The following UROS variants were observed in gnomAD, a reference collection of about 807,000 sequenced individuals.
UROS encodes the protein uroporphyrinogen III synthase.
A neutral mutation model predicts 33.0 loss-of-function variants in UROS; 18 were observed. The ratio of observed to expected loss-of-function variants is 0.55; its 90% CI spans 0.38 to 0.81. UROS has a LOEUF of 0.81. Among genes scored for constraint, UROS ranks in the 30% least tolerant of loss-of-function variants. UROS has a pLI of 0.00. For missense variants in UROS, 293 were observed against 314.9 expected (o/e 0.93, Z 0.53); for synonymous variants, 114 against 121.1 (o/e 0.94, Z 0.38).
chr10:125,815,674 A>G (rs1329811020), intron 3 of UROS, among the ~76,000 whole-genome samples: 1 of 152,146 alleles, frequency 6.6e-6, no homozygotes, highest in African/African-American at 2.4e-5. Context: ...GCTTTACTGG[A>G]CTTGTCTCCT....
chr10:125,795,889 C>T (rs1453484117), intron 8 of UROS, among the ~76,000 whole-genome samples: 1 of 152,206 alleles, frequency 6.6e-6, no homozygotes, highest in East Asian at 1.9e-4. Flanking sequence ...TTCAAACCAG[C>T]TTGCAATAGA....
intron 5 of UROS, among the ~76,000 whole-genome samples, chr10:125,807,826 G>A (rs1852465150): frequency 6.6e-6 from 1 of 152,216 alleles, no homozygotes; most frequent in African/African-American, 2.4e-5. Flanking sequence ...TTGCCATCTA[G>A]AAGGTGCTCA....
In UROS at chr10:125,788,975, C is replaced by T. The variant is rs780837512; in HGVS notation, c.691G>A (p.Ala231Thr). 8 of 1,611,980 alleles carry T rather than the reference C, an allele frequency of 5.0e-6. No individual in the cohort carries two copies. The Admixed American group carries it at 5.0e-5, about 10-fold the overall frequency. ...FAAIGPTTAR[A>T]LAAQGLPVSC... is the part of the protein sequence containing the mutation. ...ACAGGAAGGCCCTGGGCGGCCAGCG[C>T]GCGAGCCGTAGTGGGGCCGATGGCT... Residue 231 changes from alanine (A) to threonine (T), a missense_variant, in exon 10 of 10, where the codon GCG (alanine) becomes ACG (threonine). By Grantham distance (58) the Ala-to-Thr change is moderately conservative. Transcript: ENST00000368797.
chr10:125,790,150 T>C (rs2133803104), intron 9 of UROS, among the ~76,000 whole-genome samples: 1 of 152,284 alleles, frequency 6.6e-6, no homozygotes, highest in East Asian at 1.9e-4. Context: ...GGGAGGCCAC[T>C]GTCCTGCAGA....
chr10:125,794,930 T>TAC lies in UROS; in HGVS notation c.609_610insGT (p.Ser204ValfsTer37). On this transcript the variant is annotated frameshift_variant, in exon 9 of 10. Coordinates refer to ENST00000368797, the MANE Select transcript of UROS (RefSeq NM_000375.3). LOFTEE classifies it high-confidence loss of function. ...GATAACTCCTGAATGTGCTTGAGAC[T>TAC]GTATGTGAGGCCAGAGGGACTAAAA... is the stretch of plus-strand genomic sequence containing the variant. 1.2e-6 allele frequency: 2 copies of TAC among 1,614,136 alleles called. No homozygotes were observed. The highest frequency in any genetic ancestry group is 1.7e-6 in the Non-Finnish European group (2 of 1,180,018).
chr10:125,796,714 T>C, intron 7 of UROS: 1 of 872,278 alleles, frequency 1.1e-6, no homozygotes, highest in Non-Finnish European at 1.4e-6. Flanking sequence ...TTCCTCCCTG[T>C]GCCATTCAGC....
chr10:125,816,896 C>G (rs1450420190), intron 1 of UROS, among the ~76,000 whole-genome samples: 1 of 152,150 alleles, frequency 6.6e-6, no homozygotes, highest in Non-Finnish European at 1.5e-5. Context: ...TTTTCCATTT[C>G]AAGATAAATA....
intron 5 of UROS, among the ~76,000 whole-genome samples, chr10:125,811,034 A>G (rs1589987530): frequency 6.6e-6 from 1 of 152,274 alleles, no homozygotes; most frequent in East Asian, 1.9e-4. Context: ...GCTGCACTTG[A>G]TATGGTCCAC....
chr10:125,806,472 G>C (rs989665127), intron 6 of UROS, among the ~76,000 whole-genome samples: 5 of 152,096 alleles, frequency 3.3e-5, no homozygotes, highest in Non-Finnish European at 7.4e-5. Flanking sequence ...TTTTAGAAAG[G>C]GGTCAGAAAA....
intron 6 of UROS, among the ~76,000 whole-genome samples, 182 bp from the exon 7 acceptor site, chr10:125,798,327 G>T (rs1851535803): frequency 6.6e-6 from 1 of 152,140 alleles, no homozygotes; most frequent in Admixed American, 6.5e-5. Flanking sequence ...GAACTTGAAG[G>T]GTTGTTATAT....
At chr10:125,798,531 G>A (rs991151215) in intron 6 of UROS, among the ~76,000 whole-genome samples, 9 of 152,186 alleles carry the variant, frequency 5.9e-5, no homozygotes, top group Non-Finnish European at 1.0e-4. Flanking sequence ...CTGGCACTGG[G>A]GCAAACATTT....
intron 6 of UROS, among the ~76,000 whole-genome samples, chr10:125,803,777 C>T (rs1198064201): frequency 1.3e-5 from 2 of 152,220 alleles, no homozygotes; most frequent in Non-Finnish European, 2.9e-5. Flanking sequence ...CACCCACTGC[C>T]CCTGCCATGC....
Position 125,802,150 on chromosome 10 carries a change from A to T in UROS, c.395-4005T>A, listed in dbSNP as rs952275223. The T allele has an allele frequency of 3.0e-6, 3 of 985,380 alleles. No homozygotes were observed. The African/African-American group carries it at 5.2e-5, about 17-fold the overall frequency. 61.0% of individuals were successfully genotyped at this position (985,380 alleles called of 1,614,324 possible). ...ATGATGACTCTCTAGAAACAACATT[A>T]GAAACAAAAAGCCTGGAGCCAGACA... On this transcript the variant is annotated intron_variant, in intron 6 of 9. Transcript: ENST00000368797.
chr10:125,808,303 G>A (rs1281462244), intron 5 of UROS, among the ~76,000 whole-genome samples: 1 of 152,232 alleles, frequency 6.6e-6, no homozygotes, highest in East Asian at 1.9e-4. Context: ...GTCACACAGA[G>A]CCTGGTTAGT....
intron 9 of UROS, 138 bp downstream of exon 9, chr10:125,794,742 T>C (rs1851204863): frequency 1.3e-6 from 1 of 766,668 alleles, no homozygotes; most frequent in Non-Finnish European, 2.1e-6. Flanking sequence ...CAGCAGGAGG[T>C]AGAGCTGCCC....
chr10:125,807,005 T>C (rs185947213), intron 6 of UROS: 9 of 234,116 alleles, frequency 3.8e-5, no homozygotes, highest in Non-Finnish European at 1.7e-5. Context: ...AGTCAGTTCT[T>C]TACCTGGGAG....
At position 125,796,094 on chromosome 10, in the gene UROS, G is replaced by A. The variant is rs748687042; in HGVS notation, c.561+9C>T. On this transcript the variant is annotated intron_variant, in intron 8 of 9. Coordinates refer to ENST00000368797, the MANE Select transcript of UROS (RefSeq NM_000375.3). ...CACCCTGCCAGAACCGCCCCCAAAC[G>A]CCACGTACCTGCTGGGAATAGTAGC... The A allele has an allele frequency of 1.9e-5, 31 of 1,613,778 alleles. No individual in the cohort carries two copies. The highest frequency in any genetic ancestry group is 2.7e-5 in the African/African-American group (2 of 74,860).
At chr10:125,816,563 CA>C (rs1464540661) in intron 1 of UROS, 38 bp from the exon 2 acceptor site, 56 of 1,591,894 alleles carry the variant, frequency 3.5e-5, no homozygotes, top group South Asian at 2.9e-4. Flanking sequence ...AATTAGATCT[CA>C]AAGACTCTTC....
Position 125,788,630 on chromosome 10 carries a change from A to C in UROS, c.*238T>G, listed in dbSNP as rs936852172. The C allele has an allele frequency of 7.1e-7, 1 of 1,409,926 alleles. No individual in the cohort carries two copies. The highest frequency in any genetic ancestry group is 9.2e-7 in the Non-Finnish European group (1 of 1,085,430). The allele number at this position is 1,409,926 out of a possible 1,614,324, so 87.3% of individuals were successfully genotyped here. The stretch of plus-strand genomic sequence containing the variant: ...TTATTTGACTTCCTTCCTGCTGGGC[A>C]CAGGAAGCTCTCACAGGGCTAGGGT... On this transcript the variant is annotated 3_prime_UTR_variant, in exon 10 of 10. Coordinates refer to ENST00000368797, the MANE Select transcript of UROS (RefSeq NM_000375.3).
Sources: gnomAD v4.1 joint callset for allele counts (sites outside exome capture counted in the v4.1 genomes callset) on GRCh38, gnomAD v4.1.1 for gene constraint, MANE v1.5 for transcripts, NCBI Gene and HGNC (gene_info 2026-07-23, HGNC 2026-07-21) for gene names.